The following SEC22C variants were observed in gnomAD, a reference collection of about 807,000 sequenced individuals.
The protein encoded by SEC22C is SEC22 homolog C, vesicle trafficking protein, also known as vesicle-trafficking protein SEC22c.
In SEC22C, 29 loss-of-function variants were observed where a neutral mutation model predicts 34.7. The ratio of observed to expected loss-of-function variants is 0.84; its 90% CI spans 0.62 to 1.14. SEC22C has a LOEUF of 1.14. Among genes scored for constraint, SEC22C ranks in the 50% most tolerant of loss-of-function variants. SEC22C has a pLI of 0.00. For synonymous variants in SEC22C, 117 were observed against 132.8 expected, an observed-to-expected ratio of 0.88 and a Z score of 0.82; for missense variants, 337 against 369.0, an observed-to-expected ratio of 0.91 and a Z score of 0.71.
intron 1 of SEC22C, 109 bp from the exon 2 acceptor site, chr3:42,569,182 A>G (rs1703452632): frequency 1.5e-6 from 1 of 682,770 alleles, no homozygotes; most frequent in Non-Finnish European, 2.5e-6. Context: ...TCTTACTATA[A>G]TTGCAAATGT....
intron 1 of SEC22C, among the ~76,000 whole-genome samples, chr3:42,588,861 G>A (rs1704711099): frequency 6.6e-6 from 1 of 152,144 alleles, no homozygotes; most frequent in East Asian, 1.9e-4. Context: ...TCCTGAGGAG[G>A]AAGCCTGATG....
Position 42,550,874 on chromosome 3 carries a change from T to C in SEC22C, c.*2374A>G, listed in dbSNP as rs991682888. ...TTTAAGCCGTTCTTACCGACTTTTT[T>C]TTTTTTTTTTTTTGAGACGGAGTCT... On this transcript the variant is annotated 3_prime_UTR_variant, in exon 7 of 7. Coordinates refer to ENST00000264454, the MANE Select transcript of SEC22C (RefSeq NM_032970.4). 5.1e-6 allele frequency: 5 copies of C among 973,994 alleles called. No individual in the cohort carries two copies. In the African/African-American group the frequency reaches 7.1e-5, roughly 14 times the overall value. 60.3% of individuals were successfully genotyped at this position (973,994 alleles called of 1,614,324 possible). A position where few individuals can be genotyped will look rare whatever the true frequency, so the allele number is the denominator to read the frequency against.
rs111361165 is a variant in SEC22C, at chr3:42,599,396, A to G, written c.-28+1564T>C. Among the ~76,000 whole-genome samples, 823 of 152,026 alleles carry G rather than the reference A, an allele frequency of 5.4e-3. 8 individuals carry two copies. The highest frequency in any genetic ancestry group is 0.019 in the African/African-American group (768 of 41,494). ...TCACAAGGCGAAGGTAATTCAATGTATAAGAGTCTTTTCAGGCCGGGCGCG... is the reference window on the plus strand; with the variant it reads ...TCACAAGGCGAAGGTAATTCAATGTGTAAGAGTCTTTTCAGGCCGGGCGCG... On this transcript the variant is annotated intron_variant, in intron 1 of 6. Transcript: ENST00000417572.
At chr3:42,556,080 G>T in intron 5 of SEC22C, 85 bp from the exon 6 acceptor site, 4 of 1,008,908 alleles carry the variant, frequency 4.0e-6, no homozygotes, top group Non-Finnish European at 6.0e-6. Context: ...TCTGCCTTCT[G>T]TCTGGTATGG....
chr3:42,551,870 A>G lies in SEC22C; in HGVS notation c.*1378T>C, dbSNP rs776395860. On this transcript the variant is annotated 3_prime_UTR_variant, in exon 7 of 7. Coordinates refer to ENST00000264454, the MANE Select transcript of SEC22C (RefSeq NM_032970.4). ...CACTCAACTCTTGTAATGGTTTTCC[A>G]CTTTTAAAAACTATCAAAATAGGAT... 132 of 983,828 alleles carry G rather than the reference A, an allele frequency of 1.3e-4. No individual in the cohort carries two copies. The highest frequency in any genetic ancestry group is 1.3e-4 in the Non-Finnish European group (104 of 828,474). The allele number at this position is 983,828 out of a possible 1,614,324, so 60.9% of individuals were successfully genotyped here.
intron 6 of SEC22C, among the ~76,000 whole-genome samples, chr3:42,554,333 C>T (rs981020296): frequency 2.0e-5 from 3 of 152,118 alleles, no homozygotes; most frequent in East Asian, 1.9e-4. Context: ...TTTCTTTTTG[C>T]ATAATCAGGT....
intron 4 of SEC22C, among the ~76,000 whole-genome samples, chr3:42,558,502 A>G (rs1174938394): frequency 6.6e-6 from 1 of 150,406 alleles, no homozygotes; most frequent in Non-Finnish European, 1.5e-5. Flanking sequence ...AAAAAAAAAA[A>G]AAGTTCAGGC....
At chr3:42,584,019 T>C (rs959437834), upstream of SEC22C, among the ~76,000 whole-genome samples, 31 of 152,194 alleles carry the variant, frequency 2.0e-4, no homozygotes, top group African/African-American at 7.5e-4. Flanking sequence ...TGAAGCAGTC[T>C]ACCAGCCTCC....
In SEC22C at chr3:42,548,792, T is replaced by A; in HGVS notation, c.*4456A>T. 2.7e-6 allele frequency: 4 copies of A among 1,490,024 alleles called. No individual in the cohort carries two copies. Among genetic ancestry groups the A allele is most frequent in the Non-Finnish European group, 3.6e-6 (4 of 1,115,636 alleles). The allele number at this position is 1,490,024 out of a possible 1,614,324, so 92.3% of individuals were successfully genotyped here. ...AGGTTTACACTGTAGTATAACAAAA[T>A]GCCTTTTTGTAAAGGCCAGAAGAAA... On this transcript the variant is annotated 3_prime_UTR_variant, in exon 7 of 7. Coordinates refer to ENST00000264454, the MANE Select transcript of SEC22C (RefSeq NM_032970.4).
chr3:42,579,440 A>G (rs1392987273), intron 1 of SEC22C: 1 of 51,650 alleles, frequency 1.9e-5, no homozygotes, highest in Non-Finnish European at 3.3e-5. Context: ...CATCTCTACA[A>G]AAAAAAAAAA....
At position 42,549,098 on chromosome 3, in the gene SEC22C, T is replaced by G. The variant is rs764208311; in HGVS notation, c.*4150A>C. 13 of 997,734 alleles carry G rather than the reference T, an allele frequency of 1.3e-5. No homozygotes were observed. The highest frequency in any genetic ancestry group is 1.6e-5 in the Non-Finnish European group (13 of 836,682). 61.8% of individuals were successfully genotyped at this position (997,734 alleles called of 1,614,324 possible). On this transcript the variant is annotated 3_prime_UTR_variant, in exon 7 of 7. Transcript: ENST00000264454. The stretch of plus-strand genomic sequence containing the variant: ...TGACTGGTGCACTCTTTCCCTCACC[T>G]TCTCTCTCAAGGGCACAGCTACACT...
intron 4 of SEC22C, among the ~76,000 whole-genome samples, chr3:42,559,810 A>G (rs1702759636): frequency 6.6e-6 from 1 of 152,182 alleles, no homozygotes; most frequent in African/African-American, 2.4e-5. Flanking sequence ...AAAAAATCAT[A>G]CTTTGTTATG....
chr3:42,566,605 A>G (rs923182539), intron 2 of SEC22C: 3 of 158,622 alleles, frequency 1.9e-5, no homozygotes, highest in African/African-American at 7.2e-5. Context: ...TGTGAACCCA[A>G]GAGGCAGAGC....
chr3:42,555,931 T>A lies in SEC22C; in HGVS notation c.710A>T (p.Gln237Leu). ...FLVPFVACIF[Q>L]CYLYLFYSPA... ...TGACCAAAATATCGTTTCACCCACC[T>A]GGAAAATGCAGGCTACGAAAGGAAC... Residue 237 changes from glutamine to leucine, a missense_variant and splice_region_variant, in exon 6 of 7, where the codon CAG becomes CTG. By Grantham distance (113) the Gln-to-Leu change is moderately radical (BLOSUM62 -2). Coordinates refer to ENST00000264454, the MANE Select transcript of SEC22C (RefSeq NM_032970.4). 6.2e-7 allele frequency: 1 copy of A among 1,612,888 alleles called. No homozygotes were observed.
At chr3:42,600,280 A>G (rs1016589338) in intron 1 of SEC22C, 1 of 152,240 alleles carries the variant, frequency 6.6e-6, no homozygotes, top group Non-Finnish European at 1.5e-5. Flanking sequence ...CTCCCGGCCA[A>G]AAAGAACACA....
At chr3:42,574,028 C>T (rs1387356922) in intron 1 of SEC22C, among the ~76,000 whole-genome samples, 1 of 152,042 alleles carries the variant, frequency 6.6e-6, no homozygotes, top group South Asian at 2.1e-4. Flanking sequence ...AGGATAAACC[C>T]AGAAACCCAT....
Position 42,552,900 on chromosome 3 carries a change from T to C in SEC22C, c.*348A>G. ...GACAACTCTCAATGACTAAAACCAG[T>C]GTTATTGAATCAAGTGGTTTACTGT... On this transcript the variant is annotated 3_prime_UTR_variant, in exon 7 of 7. Transcript: ENST00000264454. 1.9e-6 allele frequency: 2 copies of C among 1,064,178 alleles called. No homozygotes were observed. The highest frequency in any genetic ancestry group is 1.1e-6 in the Non-Finnish European group (1 of 879,112). The allele number at this position is 1,064,178 out of a possible 1,614,324, so 65.9% of individuals were successfully genotyped here. A position where few individuals can be genotyped will look rare whatever the true frequency, so the allele number is the denominator to read the frequency against.
At chr3:42,589,673 A>G (rs1305840890) in intron 1 of SEC22C, among the ~76,000 whole-genome samples, 2 of 152,172 alleles carry the variant, frequency 1.3e-5, no homozygotes, top group African/African-American at 4.8e-5. Context: ...CTGGACTTGC[A>G]AGAGATCTAG....
At chr3:42,587,874 C>T (rs565212856) in intron 1 of SEC22C, among the ~76,000 whole-genome samples, 1 of 152,152 alleles carries the variant, frequency 6.6e-6, no homozygotes, top group South Asian at 2.1e-4. Flanking sequence ...GAGTTCAAGA[C>T]CAGCCTGACC....
Sources: allele counts gnomAD v4.1 joint callset (sites outside exome capture counted in the v4.1 genomes callset), GRCh38; gene constraint gnomAD v4.1.1; transcripts MANE v1.5; gene names NCBI Gene and HGNC (gene_info 2026-07-23, HGNC 2026-07-21).